SSBP3: variants seen among roughly 807,000 people sequenced by gnomAD.
SSBP3 encodes single-stranded DNA-binding protein 3.
In SSBP3, 5 loss-of-function variants were observed where a neutral mutation model predicts 69.6. The ratio of observed to expected loss-of-function variants is 0.07; its 90% CI spans 0.04 to 0.15. SSBP3 has a LOEUF of 0.15. Among genes scored for constraint, SSBP3 ranks in the 10% least tolerant of loss-of-function variants. The pLI is 1.00. For synonymous variants in SSBP3, 196 were observed against 193.4 expected, an observed-to-expected ratio of 1.01 and a Z score of -0.11; for missense variants, 312 against 534.0, an observed-to-expected ratio of 0.58 and a Z score of 4.10.
chr1:54,238,322 G>A (rs774298167), intron 14 of SSBP3: 1 of 471,106 alleles, frequency 2.1e-6, no homozygotes. Flanking sequence ...AGGGCCCCAG[G>A]CCCACTCTCT....
At chr1:54,406,800 C>G (rs191798897), upstream of SSBP3, among the ~76,000 whole-genome samples, 1,828 of 151,834 alleles carry the variant, frequency 0.012, 38 homozygotes, top group African/African-American at 0.041. Flanking sequence ...GCGGTCGCCG[C>G]TCGCTCCCTC....
At chr1:54,295,847 T>G (rs936611686) in intron 4 of SSBP3, among the ~76,000 whole-genome samples, 12 of 152,090 alleles carry the variant, frequency 7.9e-5, no homozygotes, top group Non-Finnish European at 1.8e-4. Flanking sequence ...TTCTAACATA[T>G]CCCTTAGGCT....
intron 5 of SSBP3, among the ~76,000 whole-genome samples, chr1:54,261,455 G>A (rs1352315893): frequency 1.3e-5 from 2 of 152,208 alleles, no homozygotes; most frequent in African/African-American, 4.8e-5. Flanking sequence ...CTAGATTGAG[G>A]GCTCTGACCT....
chr1:54,321,880 G>A (rs1293336313), intron 4 of SSBP3, among the ~76,000 whole-genome samples: 1 of 152,242 alleles, frequency 6.6e-6, no homozygotes, highest in African/African-American at 2.4e-5. Flanking sequence ...AAGTAAGGAG[G>A]TTCAGTGAGC....
At chr1:54,356,062 C>T (rs1646858100) in intron 4 of SSBP3, among the ~76,000 whole-genome samples, 1 of 152,174 alleles carries the variant, frequency 6.6e-6, no homozygotes, top group East Asian at 1.9e-4. Context: ...CAAACCAACC[C>T]CTACATCTTC....
At chr1:54,267,772 C>G (rs1645126804) in intron 5 of SSBP3, among the ~76,000 whole-genome samples, 1 of 152,184 alleles carries the variant, frequency 6.6e-6, no homozygotes, top group African/African-American at 2.4e-5. Flanking sequence ...CTGTTCCTTT[C>G]CAAAGATGTT....
intron 5 of SSBP3, among the ~76,000 whole-genome samples, chr1:54,262,043 C>T (rs1452220007): frequency 6.6e-6 from 1 of 152,200 alleles, no homozygotes; most frequent in African/African-American, 2.4e-5. Context: ...CTCAAAACAT[C>T]ACATTCCCAT....
chr1:54,330,083 C>T (rs931717946), intron 4 of SSBP3, among the ~76,000 whole-genome samples: 10 of 152,308 alleles, frequency 6.6e-5, no homozygotes, highest in African/African-American at 2.2e-4. Context: ...CTAATACATA[C>T]ACACAAGAGC....
rs1384061226 is a variant in SSBP3, at chr1:54,240,045, GGGGTGTGTGTGTGTGTGTGT to G, written c.856+840_857-847del. Among the ~76,000 whole-genome samples the G allele has an allele frequency of 1.7e-4, 11 of 65,460 alleles. 1 individual carries two copies. The highest frequency in any genetic ancestry group is 9.5e-4 in the East Asian group (2 of 2,106). 42.9% of individuals were successfully genotyped at this position (65,460 alleles called of 152,430 possible). A position where few individuals can be genotyped will look rare whatever the true frequency, so the allele number is the denominator to read the frequency against. The stretch of plus-strand genomic sequence containing the variant: ...GCTGGGAAAGAAACATAATTGTGAT[GGGGTGTGTGTGTGTGTGTGT>G]GTGTGTGTGTGTGTGTGTGTGTGCG... On this transcript the variant is annotated intron_variant, in intron 13 of 17. Coordinates refer to ENST00000610401, the Ensembl canonical transcript of SSBP3.
At chr1:54,405,697 GCCA>G (rs1557599553) in intron 1 of SSBP3, among the ~76,000 whole-genome samples, 1 of 151,712 alleles carries the variant, frequency 6.6e-6, no homozygotes, top group Non-Finnish European at 1.5e-5. Flanking sequence ...CCGCGCCACG[GCCA>G]CCAAGTACCC....
intron 4 of SSBP3, among the ~76,000 whole-genome samples, chr1:54,287,591 G>A (rs1469214762): frequency 6.6e-6 from 1 of 152,172 alleles, no homozygotes; most frequent in Non-Finnish European, 1.5e-5. Flanking sequence ...GGGAGGGAGG[G>A]ATGCTGGCAC....
chr1:54,340,003 G>A lies in SSBP3; in HGVS notation c.277-58476C>T, dbSNP rs532503832. Among the ~76,000 whole-genome samples, 14 of 151,660 alleles carry A rather than the reference G, an allele frequency of 9.2e-5. No individual in the cohort carries two copies. The South Asian group carries it at 2.9e-3, about 32-fold the overall frequency. On this transcript the variant is annotated intron_variant, in intron 4 of 17. Transcript: ENST00000610401. ...ATATACTAATGCTGGAAGGGAGGGT[G>A]GGGTAGGAGCAGGACCCCATGCTTC...
At chr1:54,276,241 A>C (rs567855137) in intron 5 of SSBP3, among the ~76,000 whole-genome samples, 1 of 152,264 alleles carries the variant, frequency 6.6e-6, no homozygotes, top group Non-Finnish European at 1.5e-5. Context: ...CTCCTCCAGG[A>C]CTTTTCCAGA....
chr1:54,271,286 T>C (rs1645188628), intron 5 of SSBP3, among the ~76,000 whole-genome samples: 2 of 152,114 alleles, frequency 1.3e-5, no homozygotes, highest in South Asian at 4.2e-4. Context: ...AATTTTTTAA[T>C]TTTTCTTTTG....
At chr1:54,334,986 C>T (rs1390207850) in intron 4 of SSBP3, among the ~76,000 whole-genome samples, 2 of 152,168 alleles carry the variant, frequency 1.3e-5, no homozygotes, top group Admixed American at 1.3e-4. Context: ...AACTAATAAG[C>T]TCTGACTCAA....
chr1:54,349,771 C>A (rs932876518), intron 4 of SSBP3, among the ~76,000 whole-genome samples: 2 of 151,848 alleles, frequency 1.3e-5, no homozygotes, highest in African/African-American at 2.4e-5. Flanking sequence ...TCAAGAAATG[C>A]CTCCCGCTTC....
chr1:54,265,995 C>T (rs544588149), intron 5 of SSBP3, among the ~76,000 whole-genome samples: 14 of 152,320 alleles, frequency 9.2e-5, no homozygotes, highest in Non-Finnish European at 1.6e-4. Context: ...TGCCTCCTGG[C>T]GGAACAGAAT....
chr1:54,406,939 G>A (rs1347369969), upstream of SSBP3, among the ~76,000 whole-genome samples: 3 of 150,392 alleles, frequency 2.0e-5, no homozygotes, highest in South Asian at 6.3e-4. Context: ...CCCCTCCCCA[G>A]ACTCCAGCCC....
chr1:54,377,725 G>A (rs975651768), intron 4 of SSBP3, among the ~76,000 whole-genome samples: 21 of 152,192 alleles, frequency 1.4e-4, no homozygotes, highest in African/African-American at 5.1e-4. Flanking sequence ...AATAATATAT[G>A]TCAAACAACT....
Sources: gnomAD v4.1 joint callset for allele counts (sites outside exome capture counted in the v4.1 genomes callset) on GRCh38, gnomAD v4.1.1 for gene constraint, MANE v1.5 for transcripts, NCBI Gene and HGNC (gene_info 2026-07-23, HGNC 2026-07-21) for gene names.